Variants in HK2 observed in about 807,000 individuals in gnomAD.
The protein encoded by HK2 is hexokinase-2.
A neutral mutation model predicts 92.9 loss-of-function variants in HK2; 42 were observed. That is an observed-to-expected ratio of 0.45 (90% confidence interval 0.35 to 0.58). The LOEUF (loss-of-function observed/expected upper bound fraction) is 0.58. HK2 is among the 20% of genes least tolerant of loss of function. HK2 has a pLI of 0.00. For missense variants in HK2, 978 were observed against 1,245.1 expected (o/e 0.79, Z 3.23); for synonymous variants, 422 against 468.0 (o/e 0.90, Z 1.27).
At chr2:74,864,978 A>G (rs781204366) in intron 2 of HK2, among the ~76,000 whole-genome samples, 1 of 151,402 alleles carries the variant, frequency 6.6e-6, no homozygotes, top group Non-Finnish European at 1.5e-5. Context: ...CTGGAATTCA[A>G]AATGAGGCCT....
intron 3 of HK2, among the ~76,000 whole-genome samples, chr2:74,870,685 C>G (rs1223229734): frequency 6.6e-6 from 1 of 151,860 alleles, no homozygotes; most frequent in Admixed American, 6.6e-5. Context: ...GTCACCTTCC[C>G]GACAGAACAG....
Position 74,834,410 on chromosome 2 carries a change from T to G in HK2, c.-171T>G. 1.4e-6 allele frequency: 1 copy of G among 691,024 alleles called. No individual in the cohort carries two copies. Among genetic ancestry groups the G allele is most frequent in the South Asian group, 1.6e-5 (1 of 61,130 alleles). The allele number at this position is 691,024 out of a possible 1,614,324, so 42.8% of individuals were successfully genotyped here. A position where few individuals can be genotyped will look rare whatever the true frequency, so the allele number is the denominator to read the frequency against. On this transcript the variant is annotated 5_prime_UTR_variant, in exon 1 of 18. Transcript: ENST00000290573. The surrounding 1 kb of genome is among the most constrained non-coding windows in gnomAD (Gnocchi z 4.2). Reference sequence around the variant, plus strand: ...ATCACGTCTCCGGAGACCCGCGCCCTCCGCCAGCCGGGCGCACCCTCGCCG... The same window carrying G: ...ATCACGTCTCCGGAGACCCGCGCCCGCCGCCAGCCGGGCGCACCCTCGCCG...
At chr2:74,887,245 T>G (rs28363054) in intron 15 of HK2, among the ~76,000 whole-genome samples, 10,567 of 152,242 alleles carry the variant, frequency 0.069, 956 homozygotes, top group African/African-American at 0.21. Flanking sequence ...AGAATAGAAG[T>G]TACAGACTAA....
chr2:74,872,357 G>C lies in HK2; in HGVS notation c.433G>C (p.Asp145His). The change falls in exon 4 of 18, where the codon GAC becomes CAC. Residue 145 changes from aspartate (D) to histidine (H), a missense_variant. This residue lies in a region of HK2 where 189 missense variants were observed against 289.5 expected (regional missense o/e 0.65). Coordinates refer to ENST00000290573, the MANE Select transcript of HK2 (RefSeq NM_000189.5). Reference protein sequence around the residue: ...ANFMDKLQIKDKKLPLGFTFS... With the variant: ...ANFMDKLQIKHKKLPLGFTFS... ...CTTCATGGATAAGCTACAAATCAAA[G>C]ACAAGAAGCTCCCACTGGGTTTTAC... 1 of 1,614,078 alleles carries C rather than the reference G, an allele frequency of 6.2e-7. No homozygotes were observed. Among genetic ancestry groups the C allele is most frequent in the Non-Finnish European group, 8.5e-7 (1 of 1,179,968 alleles).
chr2:74,870,840 C>T (rs116221924), intron 3 of HK2, among the ~76,000 whole-genome samples: 1 of 152,082 alleles, frequency 6.6e-6, no homozygotes, highest in Non-Finnish European at 1.5e-5. Flanking sequence ...GTTTGGAGGT[C>T]GAAGGTTCAG....
intron 2 of HK2, among the ~76,000 whole-genome samples, chr2:74,854,731 C>T (rs1003257710): frequency 6.6e-6 from 1 of 152,174 alleles, no homozygotes; most frequent in Non-Finnish European, 1.5e-5. Flanking sequence ...GGCTGCTTGG[C>T]TCAGTTTGGC....
At chr2:74,880,119 C>G (rs11903758) in intron 9 of HK2, 146 bp from the exon 10 acceptor site, 25,593 of 853,362 alleles carry the variant, frequency 0.03, 1,381 homozygotes, top group African/African-American at 0.2. Context: ...TAACTTGGGA[C>G]AGTGGAGAGA....
At chr2:74,885,750 C>A (rs1312915183) in intron 13 of HK2, among the ~76,000 whole-genome samples, 161 bp downstream of exon 13, 1 of 151,818 alleles carries the variant, frequency 6.6e-6, no homozygotes, top group Non-Finnish European at 1.5e-5. Flanking sequence ...GTGTGTCAAG[C>A]AATGCTCTCA....
chr2:74,878,626 G>C, intron 8 of HK2, 62 bp from the exon 9 acceptor site: 1 of 1,351,618 alleles, frequency 7.4e-7, no homozygotes. Flanking sequence ...GCCACCCCCC[G>C]ACACACACAC....
At chr2:74,853,407 C>G (rs1475929373) in intron 1 of HK2, among the ~76,000 whole-genome samples, 2 of 151,976 alleles carry the variant, frequency 1.3e-5, no homozygotes, top group Non-Finnish European at 2.9e-5. Flanking sequence ...ATCCCAGCTA[C>G]TCGGGAGGCT....
At position 74,877,985 on chromosome 2, in the gene HK2, T is replaced by G. The variant is rs182125867; in HGVS notation, c.1031+664T>G. 5.0e-4 allele frequency among the ~76,000 whole-genome samples: 76 copies of G among 152,254 alleles called. 1 individual carries two copies. The East Asian group carries it at 0.01, about 20-fold the overall frequency. On this transcript the variant is annotated intron_variant, in intron 8 of 17. Transcript: ENST00000290573. ...GTGTCTTTGGAGCCAAATGGAGCAGTGGAACAGTGCCAATGACTTTGTTTT... is the reference window on the plus strand; with the variant it reads ...GTGTCTTTGGAGCCAAATGGAGCAGGGGAACAGTGCCAATGACTTTGTTTT...
At chr2:74,886,212 C>T (rs1029876765) in intron 13 of HK2, 82 bp from the exon 14 acceptor site, 6 of 959,938 alleles carry the variant, frequency 6.3e-6, no homozygotes, top group African/African-American at 1.6e-5. Flanking sequence ...ATTTTATATA[C>T]CTGTAAATCT....
intron 9 of HK2, among the ~76,000 whole-genome samples, chr2:74,879,734 C>G (rs975765880): frequency 6.6e-6 from 1 of 152,204 alleles, no homozygotes; most frequent in African/African-American, 2.4e-5. Context: ...TGGCTGAACA[C>G]GTTGTCTTTA....
chr2:74,858,275 C>G (rs1172545204), intron 2 of HK2, among the ~76,000 whole-genome samples: 1 of 152,084 alleles, frequency 6.6e-6, no homozygotes, highest in East Asian at 1.9e-4. Flanking sequence ...GTTTGAAAGC[C>G]ACTGCCTTAA....
intron 1 of HK2, among the ~76,000 whole-genome samples, chr2:74,840,591 G>T (rs562266542): frequency 1.1e-4 from 16 of 151,250 alleles, no homozygotes; most frequent in African/African-American, 3.9e-4. Context: ...GGTTATGCCG[G>T]GCGCGGTGGC....
intron 2 of HK2, among the ~76,000 whole-genome samples, chr2:74,859,796 CA>C (rs1484041548): frequency 1.3e-5 from 2 of 152,080 alleles, no homozygotes; most frequent in Non-Finnish European, 2.9e-5. Flanking sequence ...ATAGAACTGC[CA>C]TTCCATCCAG....
intron 3 of HK2, 113 bp downstream of exon 3, chr2:74,867,897 T>G (rs536285231): frequency 1.6e-6 from 2 of 1,222,872 alleles, no homozygotes; most frequent in Admixed American, 3.4e-5. Context: ...CCCAAGACAC[T>G]CATGGATGCC....
At chr2:74,838,683 C>T (rs916735727) in intron 1 of HK2, among the ~76,000 whole-genome samples, 1 of 151,968 alleles carries the variant, frequency 6.6e-6, no homozygotes, top group Non-Finnish European at 1.5e-5. Flanking sequence ...GGACTACAGG[C>T]GCCTGCCACC....
chr2:74,880,198 TCTAA>T (rs1422018888), intron 9 of HK2, 63 bp from the exon 10 acceptor site: 7 of 1,563,128 alleles, frequency 4.5e-6, no homozygotes, highest in African/African-American at 2.7e-5. Context: ...TGGGCAACTG[TCTAA>T]CTATTTGCAC....
Sources: gnomAD v4.1 joint callset for allele counts (sites outside exome capture counted in the v4.1 genomes callset) on GRCh38, gnomAD v4.1.1 for gene constraint, gnomAD v4.1.1 regional missense constraint, Gnocchi (gnomAD v3.1) non-coding constraint, MANE v1.5 for transcripts, NCBI Gene and HGNC (gene_info 2026-07-23, HGNC 2026-07-21) for gene names.